Variants in DYNC1I1 observed in about 807,000 individuals in gnomAD.
The protein encoded by DYNC1I1 is dynein cytoplasmic 1 intermediate chain 1.
DYNC1I1 carries 43 observed loss-of-function variants against 86.6 expected under a neutral mutation model. The observed-to-expected ratio is 0.50, with a 90% confidence interval of 0.39 to 0.64. The LOEUF is 0.64. Ranked by LOEUF, DYNC1I1 falls within the 30% of genes least tolerant of loss-of-function variation. The pLI is 0.00. For synonymous variants in DYNC1I1, 262 were observed against 283.7 expected (o/e 0.92, Z 0.77); for missense variants, 604 against 788.8 (o/e 0.77, Z 2.81).
chr7:95,835,645 T>A (rs1360182706), intron 5 of DYNC1I1, among the ~76,000 whole-genome samples: 5 of 152,154 alleles, frequency 3.3e-5, no homozygotes, highest in African/African-American at 1.2e-4. Context: ...TCTTTATGAA[T>A]CTGGGTGCTC....
At position 96,032,785 on chromosome 7, in the gene DYNC1I1, G is replaced by A. The variant is rs147715816; in HGVS notation, c.1230+5G>A. On this transcript the variant is annotated splice_donor_5th_base_variant and intron_variant, in intron 12 of 16. Coordinates refer to ENST00000447467, the MANE Select transcript of DYNC1I1 (RefSeq NM_001135556.2). ...GACATGCTCTCAACTCCACAGGTGG[G>A]TTTGTTTTTCCCTACACATAACACC... 390 of 1,611,082 alleles carry A rather than the reference G, an allele frequency of 2.4e-4. 1 individual carries two copies. The African/African-American group carries it at 4.5e-3, about 19-fold the overall frequency.
rs543100133 is a variant in DYNC1I1, at chr7:95,775,317, A to G, written c.-10+2544A>G. On this transcript the variant is annotated intron_variant, in intron 1 of 16. Coordinates refer to ENST00000447467, the MANE Select transcript of DYNC1I1 (RefSeq NM_001135556.2). ...GAATACCAAGCTCTTCTCTTATCTC[A>G]TTTTAATTCTTATATTAATCCTATG... Among the ~76,000 whole-genome samples, 3 of 152,284 alleles carry G rather than the reference A, an allele frequency of 2.0e-5. No individual in the cohort carries two copies. In the East Asian group the frequency reaches 5.8e-4, roughly 29 times the overall value.
intron 6 of DYNC1I1, among the ~76,000 whole-genome samples, chr7:95,921,647 A>G (rs1791613657): frequency 6.6e-6 from 1 of 152,156 alleles, no homozygotes; most frequent in Non-Finnish European, 1.5e-5. Flanking sequence ...TCACCTTCCA[A>G]AATGAAATCC....
chr7:95,850,833 G>A (rs1041557187), intron 5 of DYNC1I1, among the ~76,000 whole-genome samples: 6 of 152,148 alleles, frequency 3.9e-5, no homozygotes, highest in East Asian at 1.9e-4. Context: ...TAAATGAAAC[G>A]TTTTACAGTT....
At chr7:95,832,332 T>G (rs1053563137) in intron 5 of DYNC1I1, among the ~76,000 whole-genome samples, 1 of 151,100 alleles carries the variant, frequency 6.6e-6, no homozygotes, top group Non-Finnish European at 1.5e-5. Flanking sequence ...TATTCCATGG[T>G]GTATATGTGC....
intron 14 of DYNC1I1, among the ~76,000 whole-genome samples, chr7:96,067,263 C>T (rs982181743): frequency 4.6e-5 from 7 of 152,050 alleles, no homozygotes; most frequent in African/African-American, 1.7e-4. Context: ...TTTTTTCCCG[C>T]AACCCCAAAG....
chr7:95,821,834 C>T (rs1398303297), intron 4 of DYNC1I1, among the ~76,000 whole-genome samples: 2 of 152,116 alleles, frequency 1.3e-5, no homozygotes, highest in Non-Finnish European at 2.9e-5. Context: ...AATTTAAATG[C>T]TACCAACAGT....
intron 6 of DYNC1I1, among the ~76,000 whole-genome samples, chr7:95,960,829 A>C (rs1387485763): frequency 6.6e-6 from 1 of 152,178 alleles, no homozygotes; most frequent in Non-Finnish European, 1.5e-5. Flanking sequence ...CCAGATAATA[A>C]ACCCTGTTCA....
intron 4 of DYNC1I1, among the ~76,000 whole-genome samples, chr7:95,822,067 G>A (rs1001636654): frequency 2.6e-5 from 4 of 152,220 alleles, no homozygotes; most frequent in African/African-American, 9.6e-5. Context: ...GGTAAAAGCT[G>A]AATGGGAAGA....
At chr7:96,108,438 G>A (rs1224423105) in intron 16 of DYNC1I1, among the ~76,000 whole-genome samples, 1 of 152,076 alleles carries the variant, frequency 6.6e-6, no homozygotes, top group Non-Finnish European at 1.5e-5. Context: ...TGGCAATGCT[G>A]TCCTCATAAA....
intron 10 of DYNC1I1, among the ~76,000 whole-genome samples, chr7:96,027,636 G>T (rs1794712816): frequency 6.6e-6 from 1 of 152,194 alleles, no homozygotes. Context: ...GAGCCAATTG[G>T]ATCAGTCTGA....
At chr7:96,021,389 G>A (rs1178349805) in intron 10 of DYNC1I1, among the ~76,000 whole-genome samples, 3 of 152,246 alleles carry the variant, frequency 2.0e-5, no homozygotes, top group African/African-American at 7.2e-5. Flanking sequence ...AAGAAGGAAA[G>A]AGGGAGAAAT....
intron 6 of DYNC1I1, among the ~76,000 whole-genome samples, chr7:95,974,669 G>A (rs556437263): frequency 6.0e-4 from 91 of 152,218 alleles, no homozygotes; most frequent in African/African-American, 2.1e-3. Context: ...AGCATTGCCG[G>A]CCAGGTCTCA....
chr7:96,014,458 A>G (rs1794355072), intron 10 of DYNC1I1, among the ~76,000 whole-genome samples: 1 of 152,170 alleles, frequency 6.6e-6, no homozygotes, highest in South Asian at 2.1e-4. Context: ...TTACAAAGGG[A>G]AATTAACATG....
At chr7:95,967,442 C>T (rs893639500) in intron 6 of DYNC1I1, among the ~76,000 whole-genome samples, 1 of 152,180 alleles carries the variant, frequency 6.6e-6, no homozygotes, top group Non-Finnish European at 1.5e-5. Flanking sequence ...TCCAGGTGCA[C>T]TCTTACCCTT....
At chr7:96,099,528 T>C (rs182264261), downstream of DYNC1I1, among the ~76,000 whole-genome samples, 3 of 152,318 alleles carry the variant, frequency 2.0e-5, no homozygotes, top group African/African-American at 7.2e-5. Flanking sequence ...CTCACAGTTC[T>C]GAAAGCTGGG....
intron 5 of DYNC1I1, among the ~76,000 whole-genome samples, chr7:95,851,747 C>T (rs1182546646): frequency 6.6e-6 from 1 of 152,176 alleles, no homozygotes; most frequent in Non-Finnish European, 1.5e-5. Context: ...TCACTGCAAC[C>T]TCTGCCTCCT....
chr7:95,786,769 C>T (rs534353561), intron 1 of DYNC1I1, among the ~76,000 whole-genome samples: 2 of 152,268 alleles, frequency 1.3e-5, no homozygotes, highest in Admixed American at 6.5e-5. Context: ...TCCCATCCTC[C>T]TTCCCCTTGG....
intron 10 of DYNC1I1, among the ~76,000 whole-genome samples, chr7:96,023,363 G>A (rs545595998): frequency 1.3e-5 from 2 of 152,236 alleles, no homozygotes; most frequent in South Asian, 2.1e-4. Flanking sequence ...AGAGTGCCAC[G>A]CACGGAAGGT....
Sources: gnomAD v4.1 joint callset for allele counts (sites outside exome capture counted in the v4.1 genomes callset) on GRCh38, gnomAD v4.1.1 for gene constraint, MANE v1.5 for transcripts, NCBI Gene and HGNC (gene_info 2026-07-23, HGNC 2026-07-21) for gene names.